The following SNTG1 variants were observed in gnomAD, a reference collection of about 807,000 sequenced individuals.
The protein encoded by SNTG1 is syntrophin gamma 1.
Under a neutral mutation model 74.7 loss-of-function variants are expected in SNTG1, and 39 were observed. That is an observed-to-expected ratio of 0.52 (90% confidence interval 0.40 to 0.68). SNTG1 has a LOEUF of 0.68. Ranked by LOEUF, SNTG1 falls within the 30% of genes least tolerant of loss-of-function variation. The pLI, the probability that SNTG1 is intolerant of heterozygous loss-of-function variation, is 0.00. For missense variants in SNTG1, 685 were observed against 609.5 expected (o/e 1.12, Z -1.30); for synonymous variants, 254 against 217.1 (o/e 1.17, Z -1.49).
chr8:50,530,367 A>T, intron 10 of SNTG1, 108 bp downstream of exon 10: 1 of 1,062,426 alleles, frequency 9.4e-7, no homozygotes. Context: ...CTGGTTGCAT[A>T]ATCATTTAAG....
At chr8:50,274,701 C>T (rs2087994131) in intron 2 of SNTG1, among the ~76,000 whole-genome samples, 1 of 152,102 alleles carries the variant, frequency 6.6e-6, no homozygotes, top group Non-Finnish European at 1.5e-5. Context: ...TTTGGAGATG[C>T]TCTTTATTAA....
intron 13 of SNTG1, among the ~76,000 whole-genome samples, chr8:50,621,103 T>G (rs2094920524): frequency 6.6e-6 from 1 of 151,910 alleles, no homozygotes. Context: ...AGTTTTACAT[T>G]CTATACCATT....
At chr8:49,959,203 G>T (rs921002029) in intron 1 of SNTG1, among the ~76,000 whole-genome samples, 1 of 152,186 alleles carries the variant, frequency 6.6e-6, no homozygotes, top group Non-Finnish European at 1.5e-5. Flanking sequence ...AAATGTACGG[G>T]TGCCAAGGGC....
intron 18 of SNTG1, 95 bp from the exon 19 acceptor site, chr8:50,792,576 A>G: frequency 8.1e-7 from 1 of 1,227,888 alleles, no homozygotes; most frequent in African/African-American, 1.5e-5. Flanking sequence ...TAGATTCTAG[A>G]TAAGTGTATT....
chr8:50,786,392 T>C (rs1392281344), intron 18 of SNTG1, among the ~76,000 whole-genome samples: 1 of 152,134 alleles, frequency 6.6e-6, no homozygotes, highest in African/African-American at 2.4e-5. Context: ...CTACATCCCA[T>C]GTGCATAAAT....
At chr8:50,724,868 A>G (rs2095496285) in intron 17 of SNTG1, among the ~76,000 whole-genome samples, 1 of 152,188 alleles carries the variant, frequency 6.6e-6, no homozygotes, top group Admixed American at 6.5e-5. Flanking sequence ...GAGATAGTTT[A>G]ATTTGATAGA....
chr8:50,441,210 T>C (rs926917415), intron 5 of SNTG1, among the ~76,000 whole-genome samples: 1 of 152,180 alleles, frequency 6.6e-6, no homozygotes, highest in Non-Finnish European at 1.5e-5. Context: ...TAGCTACCAG[T>C]GTCCACAAAT....
chr8:50,495,758 G>A (rs2093897996), intron 8 of SNTG1, among the ~76,000 whole-genome samples: 1 of 152,152 alleles, frequency 6.6e-6, no homozygotes, highest in Non-Finnish European at 1.5e-5. Context: ...GCAATCTGCA[G>A]TTGTGAATGT....
intron 13 of SNTG1, among the ~76,000 whole-genome samples, chr8:50,620,375 C>A (rs374267450): frequency 6.6e-6 from 1 of 152,132 alleles, no homozygotes; most frequent in East Asian, 1.9e-4. Context: ...TGGATCCTAC[C>A]TGAAATTCAG....
At chr8:50,546,603 G>A (rs2448937) in intron 11 of SNTG1, among the ~76,000 whole-genome samples, 53,435 of 147,520 alleles carry the variant, frequency 0.36, 11,741 homozygotes, top group African/African-American at 0.63. Context: ...TCATTGTTCA[G>A]TTCCCATGTA....
chr8:50,777,599 G>A (rs2095644687), intron 18 of SNTG1, among the ~76,000 whole-genome samples: 1 of 151,468 alleles, frequency 6.6e-6, no homozygotes, highest in African/African-American at 2.4e-5. Context: ...TTTGTCAACT[G>A]ATTCTAAAAT....
intron 2 of SNTG1, 90 bp from the exon 3 acceptor site, chr8:50,394,122 G>A: frequency 5.1e-6 from 5 of 975,762 alleles, no homozygotes; most frequent in Non-Finnish European, 7.6e-6. Context: ...TTTCCCACAA[G>A]TTCTGCTTCA....
chr8:49,998,486 T>C (rs944067004), intron 1 of SNTG1, among the ~76,000 whole-genome samples: 3 of 152,144 alleles, frequency 2.0e-5, no homozygotes, highest in African/African-American at 7.2e-5. Flanking sequence ...AGACACATTA[T>C]AAAACTGTAC....
At chr8:50,135,830 G>A (rs932365029) in intron 1 of SNTG1, among the ~76,000 whole-genome samples, 2 of 152,120 alleles carry the variant, frequency 1.3e-5, no homozygotes, top group Middle Eastern at 3.2e-3. Context: ...GGGGTTTGGT[G>A]TGCCGATTGT....
chr8:50,192,134 A>C (rs1247856368), intron 2 of SNTG1, among the ~76,000 whole-genome samples: 2 of 152,152 alleles, frequency 1.3e-5, no homozygotes, highest in Admixed American at 6.6e-5. Context: ...TGAGTGCAGC[A>C]CAAGAAAGCC....
At chr8:49,949,404 G>A (rs957465197) in intron 1 of SNTG1, among the ~76,000 whole-genome samples, 3 of 152,220 alleles carry the variant, frequency 2.0e-5, no homozygotes, top group Non-Finnish European at 2.9e-5. Flanking sequence ...CAGTCCTTAT[G>A]TTTTATCTAT....
At chr8:50,691,343 T>C (rs2095378188) in intron 15 of SNTG1, among the ~76,000 whole-genome samples, 1 of 152,228 alleles carries the variant, frequency 6.6e-6, no homozygotes, top group Non-Finnish European at 1.5e-5. Context: ...CTTCCTAGCC[T>C]TGATGGTCTT....
intron 1 of SNTG1, among the ~76,000 whole-genome samples, chr8:49,922,853 A>C (rs1262191781): frequency 6.6e-6 from 1 of 152,132 alleles, no homozygotes; most frequent in East Asian, 1.9e-4. Flanking sequence ...TCAACTAAAA[A>C]AATCAATGAC....
chr8:50,308,863 G>T (rs1322417732), intron 2 of SNTG1, among the ~76,000 whole-genome samples: 2 of 151,980 alleles, frequency 1.3e-5, no homozygotes, highest in African/African-American at 4.8e-5. Flanking sequence ...CCTGGCAAAT[G>T]ATTTCCAGAG....
Sources: gnomAD v4.1 joint callset for allele counts (sites outside exome capture counted in the v4.1 genomes callset) on GRCh38, gnomAD v4.1.1 for gene constraint, MANE v1.5 for transcripts, NCBI Gene and HGNC (gene_info 2026-07-23, HGNC 2026-07-21) for gene names.